GRM7: variants seen among roughly 807,000 people sequenced by gnomAD.
The protein encoded by GRM7 is glutamate metabotropic receptor 7, also known as metabotropic glutamate receptor 7.
Under a neutral mutation model 84.5 loss-of-function variants are expected in GRM7, and 35 were observed. The observed-to-expected ratio is 0.41, with a 90% CI of 0.32 to 0.55. GRM7 has a LOEUF of 0.55. Among genes scored for constraint, GRM7 ranks in the 20% least tolerant of loss-of-function variants. GRM7 has a pLI of 0.19. For synonymous variants in GRM7, 487 were observed against 455.1 expected, an observed-to-expected ratio of 1.07 and a Z score of -0.89; for missense variants, 1,003 against 1,194.6, an observed-to-expected ratio of 0.84 and a Z score of 2.36.
Position 7,251,136 on chromosome 3 carries a change from G to A in GRM7, c.737-47548G>A, listed in dbSNP as rs559688429. ...ACTATTATTCTGTAGGCAATTGGGA[G>A]ACATAAGGTGAATGAATATTACGTG... is the stretch of plus-strand genomic sequence containing the variant. On this transcript the variant is annotated intron_variant, in intron 2 of 9. Transcript: ENST00000357716. Among the ~76,000 whole-genome samples the A allele has an allele frequency of 4.1e-4, 62 of 152,212 alleles. No individual in the cohort carries two copies. In the South Asian group the frequency reaches 9.3e-3, roughly 23 times the overall value.
intron 5 of GRM7, among the ~76,000 whole-genome samples, chr3:7,430,759 C>A (rs747885240): frequency 6.6e-6 from 1 of 152,160 alleles, no homozygotes; most frequent in African/African-American, 2.4e-5. Context: ...ATTATCTTTT[C>A]GAGATGTTTC....
chr3:6,964,047 C>A (rs556762080), intron 1 of GRM7, among the ~76,000 whole-genome samples: 23 of 152,212 alleles, frequency 1.5e-4, no homozygotes, highest in Non-Finnish European at 2.4e-4. Flanking sequence ...CCATCCACCA[C>A]CCCTATTTCC....
chr3:7,250,585 G>A (rs1262637853), intron 2 of GRM7, among the ~76,000 whole-genome samples: 12 of 90,794 alleles, frequency 1.3e-4, no homozygotes, highest in East Asian at 6.8e-4. Flanking sequence ...GTGCAGTGGC[G>A]TGATCTTGGC....
At chr3:6,924,931 G>A (rs1697247970) in intron 1 of GRM7, among the ~76,000 whole-genome samples, 1 of 152,060 alleles carries the variant, frequency 6.6e-6, no homozygotes, top group Non-Finnish European at 1.5e-5. Flanking sequence ...CATGATATTA[G>A]GGCTCATGAC....
intron 5 of GRM7, among the ~76,000 whole-genome samples, chr3:7,418,156 T>A (rs1696250084): frequency 6.6e-6 from 1 of 152,198 alleles, no homozygotes; most frequent in East Asian, 1.9e-4. Flanking sequence ...GAAAGGGATC[T>A]TACCGCATTC....
intron 1 of GRM7, among the ~76,000 whole-genome samples, chr3:6,998,250 T>C (rs1349290257): frequency 1.3e-5 from 2 of 151,972 alleles, no homozygotes; most frequent in Non-Finnish European, 2.9e-5. Flanking sequence ...CCATTCAAGT[T>C]GGAAATCCAA....
intron 1 of GRM7, among the ~76,000 whole-genome samples, chr3:7,130,018 T>C (rs951395520): frequency 2.0e-5 from 3 of 152,252 alleles, no homozygotes; most frequent in Middle Eastern, 3.4e-3. Flanking sequence ...TTCGAATTGT[T>C]TCTCATTAAC....
chr3:7,131,431 A>G (rs541827171), intron 1 of GRM7, among the ~76,000 whole-genome samples: 43 of 152,228 alleles, frequency 2.8e-4, no homozygotes, highest in Non-Finnish European at 5.6e-4. Context: ...TCTCTTATCT[A>G]TCCTTCTAAG....
At chr3:7,349,106 A>G (rs187938789) in intron 4 of GRM7, among the ~76,000 whole-genome samples, 1 of 152,222 alleles carries the variant, frequency 6.6e-6, no homozygotes, top group Non-Finnish European at 1.5e-5. Context: ...CCTAGTTTTC[A>G]TAAACTTCTT....
intron 2 of GRM7, among the ~76,000 whole-genome samples, chr3:7,281,055 C>G (rs931126962): frequency 1.3e-5 from 2 of 152,094 alleles, no homozygotes; most frequent in Admixed American, 1.3e-4. Flanking sequence ...AGGAATGGTT[C>G]TCTTTGGTGC....
At chr3:7,528,983 A>G (rs542223383) in intron 7 of GRM7, among the ~76,000 whole-genome samples, 2 of 152,204 alleles carry the variant, frequency 1.3e-5, no homozygotes, top group East Asian at 1.9e-4. Flanking sequence ...AAGAATGCAT[A>G]TTCTGTAATT....
At chr3:7,053,558 G>T (rs181213687) in intron 1 of GRM7, among the ~76,000 whole-genome samples, 1 of 151,574 alleles carries the variant, frequency 6.6e-6, no homozygotes, top group East Asian at 1.9e-4. Context: ...TATGTATGTT[G>T]TACAGTGAGA....
chr3:7,695,945 C>T lies in GRM7; in HGVS notation c.2698+15650C>T, dbSNP rs117636750. Among the ~76,000 whole-genome samples, 730 of 152,260 alleles carry T rather than the reference C, an allele frequency of 4.8e-3. 16 individuals are homozygous for T. The East Asian group carries it at 0.092, about 19-fold the overall frequency. On this transcript the variant is annotated intron_variant, in intron 9 of 9. Coordinates refer to ENST00000357716, the MANE Select transcript of GRM7 (RefSeq NM_000844.4). ...TGAGAATTAAATAATCTTAAACATT[C>T]GGCTTCTCAGTTGCACTAGTTAGAT...
intron 9 of GRM7, among the ~76,000 whole-genome samples, chr3:7,729,584 G>A (rs1408877861): frequency 1.3e-5 from 2 of 152,184 alleles, no homozygotes; most frequent in African/African-American, 4.8e-5. Flanking sequence ...TGTGACTGGA[G>A]GGGTATAGGT....
chr3:7,407,180 G>T (rs956179967), intron 4 of GRM7, among the ~76,000 whole-genome samples: 1 of 152,154 alleles, frequency 6.6e-6, no homozygotes, highest in Non-Finnish European at 1.5e-5. Context: ...TTGCCATGAG[G>T]TAGGGTAGAA....
At chr3:6,887,421 CT>C (rs1475589619) in intron 1 of GRM7, among the ~76,000 whole-genome samples, 1 of 151,916 alleles carries the variant, frequency 6.6e-6, no homozygotes, top group East Asian at 1.9e-4. Context: ...TGATGTTCCC[CT>C]TCCTGTGTCC....
chr3:7,126,035 G>A (rs1574936609), intron 1 of GRM7, among the ~76,000 whole-genome samples: 1 of 152,276 alleles, frequency 6.6e-6, no homozygotes, highest in East Asian at 1.9e-4. Flanking sequence ...CAGAAGAATA[G>A]AAAATCAGAA....
At position 7,645,371 on chromosome 3, in the gene GRM7, A is replaced by AC. The variant is rs777075957; in HGVS notation, c.2452-34674dup. 1.0e-3 allele frequency among the ~76,000 whole-genome samples: 154 copies of AC among 151,582 alleles called. 1 individual carries two copies. The highest frequency in any genetic ancestry group is 2.2e-3 in the Admixed American group (34 of 15,206). On this transcript the variant is annotated intron_variant, in intron 8 of 9. Transcript: ENST00000357716. ...AGACCATCCTGGCCAACATGGTGAA[A>AC]CCCCGTCACTACTAAAAATACAAAA...
intron 1 of GRM7, among the ~76,000 whole-genome samples, chr3:6,908,341 TA>T (rs1696651351): frequency 6.6e-6 from 1 of 152,368 alleles, no homozygotes; most frequent in African/African-American, 2.4e-5. Context: ...ACTGTGTACT[TA>T]GATGATGTCT....
Sources: allele counts gnomAD v4.1 joint callset (sites outside exome capture counted in the v4.1 genomes callset), GRCh38; gene constraint gnomAD v4.1.1; transcripts MANE v1.5; gene names NCBI Gene and HGNC (gene_info 2026-07-23, HGNC 2026-07-21).